NFIA: variants seen among roughly 807,000 people sequenced by gnomAD.
The protein encoded by NFIA is nuclear factor 1 A-type.
Under a neutral mutation model 62.8 loss-of-function variants are expected in NFIA, and 8 were observed. That is an observed-to-expected ratio of 0.13 (90% CI 0.07 to 0.23). NFIA has a LOEUF of 0.23. Ranked by LOEUF, NFIA falls within the 10% of genes least tolerant of loss-of-function variation. The pLI, the probability that NFIA is intolerant of heterozygous loss-of-function variation, is 1.00. For missense variants in NFIA, 410 were observed against 642.1 expected (o/e 0.64, Z 3.91); for synonymous variants, 235 against 238.1 (o/e 0.99, Z 0.12).
At chr1:61,159,101 C>CTA (rs1472071274) in intron 2 of NFIA, among the ~76,000 whole-genome samples, 3 of 151,796 alleles carry the variant, frequency 2.0e-5, no homozygotes, top group African/African-American at 7.3e-5. Context: ...TCATAGGGGT[C>CTA]TATACATCAG....
intron 2 of NFIA, among the ~76,000 whole-genome samples, chr1:61,141,375 C>T (rs1570250161): frequency 1.3e-5 from 2 of 151,838 alleles, no homozygotes; most frequent in South Asian, 4.2e-4. Context: ...GTCGTCCAAA[C>T]CAGAAACCGG....
chr1:61,398,559 C>A (rs1474872), intron 7 of NFIA, among the ~76,000 whole-genome samples: 102,054 of 152,072 alleles, frequency 0.67, 36,477 homozygotes, highest in East Asian at 0.94. Context: ...GCTGTCAAGC[C>A]ATGTCATATA....
intron 9 of NFIA, among the ~76,000 whole-genome samples, chr1:61,414,296 G>A (rs6686028): frequency 0.23 from 35,602 of 152,146 alleles, 4,979 homozygotes; most frequent in East Asian, 0.51. Context: ...TTCACAAAAT[G>A]TTTTTATATA....
chr1:61,357,986 G>A (rs1663053703), intron 5 of NFIA, among the ~76,000 whole-genome samples: 1 of 152,116 alleles, frequency 6.6e-6, no homozygotes, highest in African/African-American at 2.4e-5. Flanking sequence ...TTTCACTCCT[G>A]AAGCCTCAAA....
intron 9 of NFIA, among the ~76,000 whole-genome samples, chr1:61,422,091 A>C (rs1408236491): frequency 1.3e-5 from 2 of 151,946 alleles, no homozygotes; most frequent in African/African-American, 4.8e-5. Flanking sequence ...GGGAGACCTC[A>C]TCTCCACAAA....
At chr1:61,322,948 T>G (rs1660749840) in intron 3 of NFIA, among the ~76,000 whole-genome samples, 1 of 152,150 alleles carries the variant, frequency 6.6e-6, no homozygotes, top group Non-Finnish European at 1.5e-5. Flanking sequence ...TGACTCTGTC[T>G]CTATGGCTAT....
chr1:61,080,176 T>G (rs1357819767), upstream of NFIA, among the ~76,000 whole-genome samples: 1 of 152,082 alleles, frequency 6.6e-6, no homozygotes, highest in Non-Finnish European at 1.5e-5. Flanking sequence ...CAAAAGTTAC[T>G]TAAGATAATA....
chr1:61,304,581 G>A (rs1277413138), intron 3 of NFIA, among the ~76,000 whole-genome samples: 2 of 152,164 alleles, frequency 1.3e-5, no homozygotes, highest in Admixed American at 6.5e-5. Context: ...ATCCTCAGGA[G>A]GCAGTGGGGA....
chr1:61,183,143 CT>C (rs1650870805), intron 2 of NFIA, among the ~76,000 whole-genome samples: 1 of 152,122 alleles, frequency 6.6e-6, no homozygotes, highest in Non-Finnish European at 1.5e-5. Flanking sequence ...GGATCCATTA[CT>C]TTAAAATATT....
intron 2 of NFIA, among the ~76,000 whole-genome samples, chr1:61,216,279 T>A (rs1653618616): frequency 6.6e-6 from 1 of 152,128 alleles, no homozygotes; most frequent in African/African-American, 2.4e-5. Flanking sequence ...TCTGCATAGC[T>A]TCAGTAGTTT....
At chr1:61,402,578 G>A (rs1665622916) in intron 7 of NFIA, among the ~76,000 whole-genome samples, 1 of 152,176 alleles carries the variant, frequency 6.6e-6, no homozygotes, top group Non-Finnish European at 1.5e-5. Flanking sequence ...GTGTAAGCTT[G>A]AGAGGAGAAG....
chr1:61,101,582 G>A (rs1001994643), intron 2 of NFIA, among the ~76,000 whole-genome samples: 33 of 152,166 alleles, frequency 2.2e-4, no homozygotes, highest in Non-Finnish European at 1.9e-4. Context: ...GAAAGGAAGC[G>A]AAGGCCTTGG....
intron 2 of NFIA, among the ~76,000 whole-genome samples, chr1:61,189,441 C>T (rs984128760): frequency 2.0e-5 from 3 of 152,066 alleles, no homozygotes; most frequent in African/African-American, 7.2e-5. Context: ...CCGAGGTGGG[C>T]TGATCATGAG....
intron 3 of NFIA, among the ~76,000 whole-genome samples, chr1:61,306,696 C>A (rs1014033048): frequency 6.6e-6 from 1 of 152,160 alleles, no homozygotes; most frequent in Non-Finnish European, 1.5e-5. Context: ...AGGTTTTCCC[C>A]TGAATACTTC....
intron 7 of NFIA, among the ~76,000 whole-genome samples, chr1:61,402,221 G>A (rs559878783): frequency 6.6e-6 from 1 of 151,590 alleles, no homozygotes; most frequent in African/African-American, 2.4e-5. Context: ...TGTATTTTTA[G>A]TAGAGATGGG....
At chr1:61,281,623 AC>A (rs1358446014) in intron 3 of NFIA, among the ~76,000 whole-genome samples, 1 of 152,210 alleles carries the variant, frequency 6.6e-6, no homozygotes, top group Non-Finnish European at 1.5e-5. Context: ...GAGTTTGAGA[AC>A]CAGGGAATTG....
chr1:61,196,936 TGTGTGC>T lies in NFIA; in HGVS notation c.560-80582_560-80577del, dbSNP rs1172928569. Among the ~76,000 whole-genome samples the T allele has an allele frequency of 5.6e-4, 59 of 105,780 alleles. No homozygotes were observed. The East Asian group carries it at 0.015, about 26-fold the overall frequency. 69.4% of individuals were successfully genotyped at this position (105,780 alleles called of 152,430 possible). Reference sequence around the variant, plus strand: ...GTGTGTGTGTGTGTGTGTGTGTGTGTGTGTGCGCGCGCGCGCTGTGTGTGTGTGATG... The same window carrying T: ...GTGTGTGTGTGTGTGTGTGTGTGTGTGCGCGCGCGCTGTGTGTGTGTGATG... On this transcript the variant is annotated intron_variant, in intron 2 of 10. Transcript: ENST00000403491.
At chr1:61,311,903 A>T (rs1193303956) in intron 3 of NFIA, among the ~76,000 whole-genome samples, 1 of 152,218 alleles carries the variant, frequency 6.6e-6, no homozygotes, top group Non-Finnish European at 1.5e-5. Context: ...GGAGGCTTGA[A>T]GCACCTCCAC....
intron 2 of NFIA, among the ~76,000 whole-genome samples, chr1:61,189,393 G>A (rs1317897849): frequency 6.6e-6 from 1 of 152,152 alleles, no homozygotes; most frequent in African/African-American, 2.4e-5. Context: ...TTGGCTGGGT[G>A]CAGTGGCTCA....
Sources: allele counts gnomAD v4.1 joint callset (sites outside exome capture counted in the v4.1 genomes callset), GRCh38; gene constraint gnomAD v4.1.1; transcripts MANE v1.5; gene names NCBI Gene and HGNC (gene_info 2026-07-23, HGNC 2026-07-21).